Variants in BCAS3 observed in about 807,000 individuals in gnomAD.
BCAS3 encodes the protein BCAS4/BCAS3 fusion.
In BCAS3, 53 loss-of-function variants were observed where a neutral mutation model predicts 116.1. The observed-to-expected ratio is 0.46, with a 90% confidence interval of 0.37 to 0.57. BCAS3 has a LOEUF of 0.57. BCAS3 is among the 20% of genes least tolerant of loss of function. The pLI, the probability that BCAS3 is intolerant of heterozygous loss-of-function variation, is 0.00. For synonymous variants in BCAS3, 391 were observed against 408.2 expected, an observed-to-expected ratio of 0.96 and a Z score of 0.51; for missense variants, 917 against 1,165.4, an observed-to-expected ratio of 0.79 and a Z score of 3.10.
At chr17:60,720,956 A>G (rs929369916) in intron 5 of BCAS3, among the ~76,000 whole-genome samples, 1 of 152,184 alleles carries the variant, frequency 6.6e-6, no homozygotes, top group African/African-American at 2.4e-5. Flanking sequence ...TCGCTACCAC[A>G]TTGAGCTAAG....
chr17:61,231,220 C>T (rs2082661234), intron 22 of BCAS3, among the ~76,000 whole-genome samples: 1 of 152,016 alleles, frequency 6.6e-6, no homozygotes, highest in Non-Finnish European at 1.5e-5. Flanking sequence ...TTGTTGGTTG[C>T]TTGTAGGTCT....
At chr17:60,764,159 A>ATTT (rs151033791) in intron 6 of BCAS3, among the ~76,000 whole-genome samples, 5 of 147,022 alleles carry the variant, frequency 3.4e-5, no homozygotes, top group African/African-American at 1.3e-4. Context: ...GGATTCATTG[A>ATTT]TTTTTTTTTT....
chr17:61,197,546 T>G (rs1197396034), intron 22 of BCAS3, among the ~76,000 whole-genome samples: 1 of 152,178 alleles, frequency 6.6e-6, no homozygotes, highest in Non-Finnish European at 1.5e-5. Context: ...TTAGCCTTAC[T>G]CGTGGAATGT....
intron 22 of BCAS3, among the ~76,000 whole-genome samples, chr17:61,119,145 G>A (rs1418744246): frequency 6.6e-6 from 1 of 152,118 alleles, no homozygotes; most frequent in African/African-American, 2.4e-5. Context: ...AATAGCATTA[G>A]CATTGAGGAA....
At chr17:60,920,963 C>T (rs900255978) in intron 12 of BCAS3, among the ~76,000 whole-genome samples, 2 of 152,140 alleles carry the variant, frequency 1.3e-5, no homozygotes, top group Non-Finnish European at 2.9e-5. Context: ...CACGTATACA[C>T]TGCTGGTGGG....
chr17:61,020,861 G>T lies in BCAS3; in HGVS notation c.1637+4960G>T, dbSNP rs973989733. Among the ~76,000 whole-genome samples the T allele has an allele frequency of 6.6e-6, 1 of 152,114 alleles. No homozygotes were observed. The highest frequency in any genetic ancestry group is 1.9e-4 in the East Asian group (1 of 5,200). Reference sequence around the variant, plus strand: ...AGAGAACAGTAAATTTCAAAAAGAAGTCATGGTAGGTAGTTCCGTGGGAAT... The same window carrying T: ...AGAGAACAGTAAATTTCAAAAAGAATTCATGGTAGGTAGTTCCGTGGGAAT... On this transcript the variant is annotated intron_variant, in intron 16 of 23. Transcript: ENST00000407086. The surrounding 1 kb of genome is among the most constrained non-coding windows in gnomAD (Gnocchi z 4.5).
intron 22 of BCAS3, among the ~76,000 whole-genome samples, chr17:61,107,978 A>G (rs937008174): frequency 2.0e-5 from 3 of 152,242 alleles, no homozygotes; most frequent in African/African-American, 7.2e-5. Context: ...TAATCCTACC[A>G]TCAATATATG....
intron 14 of BCAS3, among the ~76,000 whole-genome samples, chr17:60,957,342 T>A (rs914531978): frequency 6.6e-6 from 1 of 152,202 alleles, no homozygotes; most frequent in African/African-American, 2.4e-5. Context: ...ATGGTCATTT[T>A]AGATAAATGC....
chr17:60,979,800 A>G (rs1002135478), intron 14 of BCAS3, among the ~76,000 whole-genome samples: 4 of 152,178 alleles, frequency 2.6e-5, no homozygotes, highest in African/African-American at 9.7e-5. Context: ...GATTATGTTT[A>G]CTGATTTGCG....
chr17:60,858,272 C>T (rs566764204), intron 7 of BCAS3, among the ~76,000 whole-genome samples: 3 of 152,254 alleles, frequency 2.0e-5, no homozygotes, highest in African/African-American at 7.2e-5. Flanking sequence ...AAATGATACA[C>T]TAACATTTCT....
At chr17:60,776,561 A>G (rs144464610) in intron 6 of BCAS3, among the ~76,000 whole-genome samples, 61 of 152,188 alleles carry the variant, frequency 4.0e-4, no homozygotes, top group Middle Eastern at 3.4e-3. Flanking sequence ...TCTACTAAAA[A>G]TACAAAAATT....
intron 7 of BCAS3, among the ~76,000 whole-genome samples, chr17:60,865,771 C>T (rs1032361461): frequency 6.6e-6 from 1 of 152,116 alleles, no homozygotes; most frequent in Non-Finnish European, 1.5e-5. Flanking sequence ...AATTATTGCG[C>T]TGGGTAAGAC....
At chr17:61,219,000 T>C (rs537359385) in intron 22 of BCAS3, among the ~76,000 whole-genome samples, 53 of 152,328 alleles carry the variant, frequency 3.5e-4, no homozygotes, top group African/African-American at 1.2e-3. Context: ...ACACAAGTAG[T>C]GTCACTTGAA....
chr17:61,045,923 AATATATATAAATATATATATT>A (rs2068102476), intron 19 of BCAS3, among the ~76,000 whole-genome samples: 2 of 19,082 alleles, frequency 1.0e-4, no homozygotes, highest in Non-Finnish European at 1.4e-4. Flanking sequence ...TTATATATAT[AATATATATAAATATATATATT>A]ATATATATAA....
At position 61,204,850 on chromosome 17, in the gene BCAS3, G is replaced by C. The variant is rs1390731621; in HGVS notation, c.2425+120286G>C. ...GCAGATCAGTTGAGGCCAGGAGTTC[G>C]AGACCAGCCTGGGCAACAGGGCAAA... On this transcript the variant is annotated intron_variant, in intron 22 of 23. Transcript: ENST00000407086. The surrounding 1 kb of genome is among the most constrained non-coding windows in gnomAD (Gnocchi z 4.2). Among the ~76,000 whole-genome samples, 2 of 152,082 alleles carry C rather than the reference G, an allele frequency of 1.3e-5. No individual in the cohort carries two copies. The highest frequency in any genetic ancestry group is 6.6e-5 in the Admixed American group (1 of 15,254).
chr17:61,236,186 C>A (rs1049982371), intron 22 of BCAS3, among the ~76,000 whole-genome samples: 1 of 152,170 alleles, frequency 6.6e-6, no homozygotes, highest in African/African-American at 2.4e-5. Context: ...CAACATCTGT[C>A]CCCACTCCTG....
rs1028885177 is a variant in BCAS3 at position 61,199,063 on chromosome 17, A to G, written c.2425+114499A>G. Among the ~76,000 whole-genome samples the G allele has an allele frequency of 9.2e-5, 14 of 152,244 alleles. No homozygotes were observed. Among genetic ancestry groups the G allele is most frequent in the African/African-American group, 3.4e-4 (14 of 41,472 alleles). On this transcript the variant is annotated intron_variant, in intron 22 of 23. Transcript: ENST00000407086. This position sits in a 1 kb window ranked among gnomAD's most constrained non-coding sequence, Gnocchi z 4.6. ...CTATCCTGGAAAAAAAGTGTCCAGTAGAGTCTGTCCTTCCTGAGCTTAGTT... is the reference window on the plus strand; with the variant it reads ...CTATCCTGGAAAAAAAGTGTCCAGTGGAGTCTGTCCTTCCTGAGCTTAGTT...
At chr17:61,074,790 A>G in intron 19 of BCAS3, 130 bp from the exon 20 acceptor site, 1 of 460,478 alleles carries the variant, frequency 2.2e-6, no homozygotes, top group East Asian at 3.4e-5. Context: ...AATTGTTTGA[A>G]TTGCCTTTTT....
chr17:61,124,808 G>A lies in BCAS3; in HGVS notation c.2425+40244G>A, dbSNP rs1026609770. On this transcript the variant is annotated intron_variant, in intron 22 of 23. Transcript: ENST00000407086. This position sits in a 1 kb window ranked among gnomAD's most constrained non-coding sequence, Gnocchi z 4.6. ...AGCTGTATGGTACAGATGATTTTCT[G>A]TGTTAGAAGATGCTATCGGCTCACC... 6.6e-6 allele frequency among the ~76,000 whole-genome samples: 1 copy of A among 152,164 alleles called. No homozygotes were observed. Among genetic ancestry groups the A allele is most frequent in the African/African-American group, 2.4e-5 (1 of 41,436 alleles).
Sources: allele counts gnomAD v4.1 joint callset (sites outside exome capture counted in the v4.1 genomes callset), GRCh38; gene constraint gnomAD v4.1.1; non-coding constraint Gnocchi (gnomAD v3.1); transcripts MANE v1.5; gene names NCBI Gene and HGNC (gene_info 2026-07-23, HGNC 2026-07-21).